FMNL2: variants seen among roughly 807,000 people sequenced by gnomAD.
The protein encoded by FMNL2 is formin like 2.
Under a neutral mutation model 130.2 loss-of-function variants are expected in FMNL2, and 51 were observed. The ratio of observed to expected loss-of-function variants is 0.39; its 90% CI spans 0.31 to 0.49. The LOEUF (loss-of-function observed/expected upper bound fraction) is 0.49, where lower values mean the gene tolerates loss of function less well. Among genes scored for constraint, FMNL2 ranks in the 20% least tolerant of loss-of-function variants. The probability of loss-of-function intolerance (pLI) is 0.85; values close to 1 mark genes in which losing one functional copy is unlikely to be tolerated. For synonymous variants in FMNL2, 465 were observed against 467.1 expected, an observed-to-expected ratio of 1.00 and a Z score of 0.06; for missense variants, 977 against 1,316.2, an observed-to-expected ratio of 0.74 and a Z score of 3.99.
chr2:152,505,769 A>G (rs903925186), intron 1 of FMNL2, among the ~76,000 whole-genome samples: 1 of 152,248 alleles, frequency 6.6e-6, no homozygotes, highest in Non-Finnish European at 1.5e-5. Flanking sequence ...TAAAAAACTG[A>G]AACCCAGAAT....
intron 6 of FMNL2, among the ~76,000 whole-genome samples, chr2:152,566,380 G>T (rs938995754): frequency 6.6e-6 from 1 of 152,198 alleles, no homozygotes; most frequent in African/African-American, 2.4e-5. Context: ...GGGATTTGCT[G>T]TTCACAGTTT....
chr2:152,605,770 A>C (rs1698327778), intron 9 of FMNL2, among the ~76,000 whole-genome samples: 1 of 152,168 alleles, frequency 6.6e-6, no homozygotes. Context: ...ATCTGTTGGA[A>C]ATACTGCTTT....
At chr2:152,423,921 G>A (rs1218072707) in intron 1 of FMNL2, among the ~76,000 whole-genome samples, 1 of 152,102 alleles carries the variant, frequency 6.6e-6, no homozygotes, top group Non-Finnish European at 1.5e-5. Context: ...TTTGCAAATG[G>A]TTGTATTATA....
At position 152,628,674 on chromosome 2, in the gene FMNL2, C is replaced by T. The variant is rs1559023669; in HGVS notation, c.2400+141C>T. 20 of 695,904 alleles carry T rather than the reference C, an allele frequency of 2.9e-5. No homozygotes were observed. The South Asian group carries it at 3.6e-4, about 13-fold the overall frequency. The allele number at this position is 695,904 out of a possible 1,614,324, so 43.1% of individuals were successfully genotyped here. A position where few individuals can be genotyped will look rare whatever the true frequency, so the allele number is the denominator to read the frequency against. On this transcript the variant is annotated intron_variant, in intron 18 of 25. Transcript: ENST00000288670. The stretch of plus-strand genomic sequence containing the variant: ...AACTTTCTAAATTGCATTTTTATTT[C>T]AACCATCTTTTCCACATTATGTATG...
At chr2:152,624,755 C>T (rs1263430065) in intron 15 of FMNL2, among the ~76,000 whole-genome samples, 5 of 152,082 alleles carry the variant, frequency 3.3e-5, no homozygotes, top group Non-Finnish European at 7.4e-5. Context: ...GAGGATTGCC[C>T]GAGCCTGGGA....
At chr2:152,372,216 C>G (rs921761917) in intron 1 of FMNL2, among the ~76,000 whole-genome samples, 1 of 152,084 alleles carries the variant, frequency 6.6e-6, no homozygotes, top group Non-Finnish European at 1.5e-5. Flanking sequence ...GCATTATTAG[C>G]CTGTTACCTT....
intron 9 of FMNL2, among the ~76,000 whole-genome samples, chr2:152,582,379 G>T (rs1156550200): frequency 6.6e-6 from 1 of 152,182 alleles, no homozygotes; most frequent in Admixed American, 6.5e-5. Flanking sequence ...TGTGAACAGG[G>T]CAGACACTCC....
At chr2:152,500,728 A>T (rs1313801134) in intron 1 of FMNL2, among the ~76,000 whole-genome samples, 1 of 152,104 alleles carries the variant, frequency 6.6e-6, no homozygotes, top group African/African-American at 2.4e-5. Flanking sequence ...GGTGCCTGTA[A>T]TTCTAGCTAC....
chr2:152,619,493 CT>C lies in FMNL2; in HGVS notation c.1628-10del, dbSNP rs1559014855. On this transcript the variant is annotated splice_polypyrimidine_tract_variant and intron_variant, in intron 14 of 25. Coordinates refer to ENST00000288670, the MANE Select transcript of FMNL2 (RefSeq NM_052905.4). Reference sequence around the variant, plus strand: ...CCGTATTTTCAAAGTCCATCTGTTTCTTTTTTCTTTGCTAGTGCAAAATGGT... The same window carrying C: ...CCGTATTTTCAAAGTCCATCTGTTTCTTTTTCTTTGCTAGTGCAAAATGGT... 6 of 1,549,818 alleles carry C rather than the reference CT, an allele frequency of 3.9e-6. No individual in the cohort carries two copies. The highest frequency in any genetic ancestry group is 5.2e-6 in the Non-Finnish European group (6 of 1,146,874).
At chr2:152,381,721 G>T (rs188222761) in intron 1 of FMNL2, among the ~76,000 whole-genome samples, 3 of 152,198 alleles carry the variant, frequency 2.0e-5, no homozygotes, top group South Asian at 2.1e-4. Context: ...TTTTTAAAAA[G>T]AAATTAAAAT....
intron 9 of FMNL2, among the ~76,000 whole-genome samples, chr2:152,581,527 A>C (rs1444689582): frequency 6.6e-6 from 1 of 152,190 alleles, no homozygotes; most frequent in African/African-American, 2.4e-5. Context: ...GCAACAGTTG[A>C]GCATGGTTGG....
chr2:152,410,543 C>T (rs1686222098), intron 1 of FMNL2, among the ~76,000 whole-genome samples: 1 of 152,166 alleles, frequency 6.6e-6, no homozygotes, highest in Non-Finnish European at 1.5e-5. Context: ...GGCTGAGCAA[C>T]ATGTAACTGA....
At chr2:152,513,241 A>G (rs1198759388) in intron 1 of FMNL2, among the ~76,000 whole-genome samples, 2 of 152,206 alleles carry the variant, frequency 1.3e-5, no homozygotes, top group Non-Finnish European at 2.9e-5. Context: ...CATGATCACG[A>G]GAGTCAGACT....
chr2:152,576,727 A>G (rs984396613), intron 7 of FMNL2, among the ~76,000 whole-genome samples: 1 of 152,218 alleles, frequency 6.6e-6, no homozygotes, highest in African/African-American at 2.4e-5. Context: ...GGTAACATCT[A>G]GTAACAACTT....
intron 1 of FMNL2, among the ~76,000 whole-genome samples, chr2:152,351,637 T>A (rs1021925046): frequency 6.6e-6 from 1 of 152,230 alleles, no homozygotes; most frequent in African/African-American, 2.4e-5. Flanking sequence ...GTCTTTGCTA[T>A]TGTAAATAGT....
intron 1 of FMNL2, among the ~76,000 whole-genome samples, chr2:152,409,030 AG>A (rs142300092): frequency 0.14 from 21,674 of 152,198 alleles, 1,637 homozygotes; most frequent in Middle Eastern, 0.28. Flanking sequence ...AGAGGGAAGA[AG>A]GGTTTGCAAT....
At chr2:152,611,181 A>G (rs1220717711) in intron 10 of FMNL2, among the ~76,000 whole-genome samples, 1 of 152,170 alleles carries the variant, frequency 6.6e-6, no homozygotes, top group East Asian at 1.9e-4. Context: ...TCTACTAAAA[A>G]TACAAAAATT....
intron 3 of FMNL2, among the ~76,000 whole-genome samples, chr2:152,543,647 T>A: frequency 6.7e-6 from 1 of 149,998 alleles, no homozygotes; most frequent in Non-Finnish European, 1.5e-5. Flanking sequence ...TTTTCAGGGC[T>A]CTTGATGCTT....
intron 1 of FMNL2, among the ~76,000 whole-genome samples, chr2:152,514,145 T>C (rs1692631334): frequency 1.3e-5 from 2 of 152,180 alleles, no homozygotes; most frequent in South Asian, 2.1e-4. Flanking sequence ...GGTACATTAC[T>C]CAGTTCCAAG....
Sources: allele counts gnomAD v4.1 joint callset (sites outside exome capture counted in the v4.1 genomes callset), GRCh38; gene constraint gnomAD v4.1.1; transcripts MANE v1.5; gene names NCBI Gene and HGNC (gene_info 2026-07-23, HGNC 2026-07-21).